The following KIF6 variants were observed in gnomAD, a reference collection of about 807,000 sequenced individuals.
The protein encoded by KIF6 is kinesin-like protein KIF6.
A neutral mutation model predicts 112.7 loss-of-function variants in KIF6; 106 were observed. The ratio of observed to expected loss-of-function variants is 0.94; its 90% confidence interval spans 0.80 to 1.11. The LOEUF (loss-of-function observed/expected upper bound fraction) is 1.11. Ranked by LOEUF, KIF6 falls within the 50% of genes least tolerant of loss-of-function variation. The pLI is 0.00. For missense variants in KIF6, 929 were observed against 964.0 expected (o/e 0.96, Z 0.48); for synonymous variants, 339 against 339.9 (o/e 1.00, Z 0.03).
At chr6:39,361,641 T>C (rs982738709) in intron 17 of KIF6, among the ~76,000 whole-genome samples, 9 of 151,012 alleles carry the variant, frequency 6.0e-5, no homozygotes, top group African/African-American at 1.7e-4. Flanking sequence ...GGTGGACGAC[T>C]GGCGAGGGCC....
At chr6:39,722,556 ATC>A (rs1790278911) in intron 1 of KIF6, among the ~76,000 whole-genome samples, 1 of 152,222 alleles carries the variant, frequency 6.6e-6, no homozygotes, top group African/African-American at 2.4e-5. Flanking sequence ...CTTTTTATTA[ATC>A]TGTTATTACA....
chr6:39,670,049 T>C (rs2150828911), intron 3 of KIF6, among the ~76,000 whole-genome samples: 1 of 152,226 alleles, frequency 6.6e-6, no homozygotes, highest in African/African-American at 2.4e-5. Flanking sequence ...AGTGAGAAGG[T>C]CCTTACACCC....
At chr6:39,451,167 A>C (rs1011955135) in intron 13 of KIF6, among the ~76,000 whole-genome samples, 5 of 152,188 alleles carry the variant, frequency 3.3e-5, no homozygotes, top group African/African-American at 1.2e-4. Context: ...GTCAGTTACT[A>C]TTCTTGGAGC....
Position 39,346,249 on chromosome 6 carries a change from C to T in KIF6, c.2231+227G>A, listed in dbSNP as rs192634423. The T allele has an allele frequency of 2.3e-4, 154 of 656,184 alleles. 3 individuals are homozygous for T. Among genetic ancestry groups the T allele is most frequent in the Admixed American group, 1.5e-3 (73 of 47,818 alleles). 40.6% of individuals were successfully genotyped at this position (656,184 alleles called of 1,614,324 possible). On this transcript the variant is annotated intron_variant, in intron 20 of 22. Transcript: ENST00000287152. ...AGCAGGAACTAAATCTGCTGTGCTA[C>T]GGACTGGAGGTTTGTGTCCCTGAAA...
intron 13 of KIF6, among the ~76,000 whole-genome samples, chr6:39,493,662 C>A (rs752300431): frequency 1.1e-4 from 16 of 152,232 alleles, no homozygotes; most frequent in Non-Finnish European, 2.2e-4. Flanking sequence ...TTGTGTAACA[C>A]CTTGCCACAG....
In KIF6 at chr6:39,685,512, A is replaced by C. The variant is rs561194761; in HGVS notation, c.251+29180T>G. Among the ~76,000 whole-genome samples, 3 of 152,350 alleles carry C rather than the reference A, an allele frequency of 2.0e-5. No individual in the cohort carries two copies. In the South Asian group the frequency reaches 6.2e-4, roughly 32 times the overall value. On this transcript the variant is annotated intron_variant, in intron 3 of 22. Coordinates refer to ENST00000287152, the MANE Select transcript of KIF6 (RefSeq NM_145027.6). Reference sequence around the variant, plus strand: ...TGGGAAACAGTCATCTCTGACAGTGAGAAGGTGAACATACCAGAGAAGCGT... The same window carrying C: ...TGGGAAACAGTCATCTCTGACAGTGCGAAGGTGAACATACCAGAGAAGCGT...
chr6:39,410,644 A>T (rs752499293), intron 15 of KIF6, among the ~76,000 whole-genome samples: 2 of 152,232 alleles, frequency 1.3e-5, no homozygotes, highest in Non-Finnish European at 2.9e-5. Context: ...GAAAAATAAT[A>T]ATGTACTATA....
intron 13 of KIF6, among the ~76,000 whole-genome samples, chr6:39,442,301 T>C (rs1581865903): frequency 6.6e-6 from 1 of 152,166 alleles, no homozygotes; most frequent in Non-Finnish European, 1.5e-5. Flanking sequence ...TCTGAAAAAA[T>C]GGCAGCTGCT....
intron 15 of KIF6, among the ~76,000 whole-genome samples, chr6:39,390,268 G>A (rs776927682): frequency 2.0e-5 from 3 of 152,098 alleles, no homozygotes; most frequent in African/African-American, 4.8e-5. Context: ...TGCCACACTC[G>A]TTTTAGGTAT....
chr6:39,379,685 T>TA (rs926878877), intron 16 of KIF6, among the ~76,000 whole-genome samples: 3 of 152,060 alleles, frequency 2.0e-5, no homozygotes, highest in Non-Finnish European at 4.4e-5. Context: ...ATCTGATACT[T>TA]AAAAAAAGGA....
chr6:39,400,201 C>T (rs1429066237), intron 15 of KIF6, among the ~76,000 whole-genome samples: 3 of 152,156 alleles, frequency 2.0e-5, no homozygotes, highest in Admixed American at 6.5e-5. Flanking sequence ...ATGTGGGACT[C>T]ATTGTGAGAA....
rs544353834 is a variant in KIF6, at chr6:39,590,101, T to C, written c.847-3697A>G. Among the ~76,000 whole-genome samples, 154 of 151,438 alleles carry C rather than the reference T, an allele frequency of 1.0e-3. 2 individuals are homozygous for C. In the East Asian group the frequency reaches 0.02, roughly 20 times the overall value. On this transcript the variant is annotated intron_variant, in intron 7 of 22. Coordinates refer to ENST00000287152, the MANE Select transcript of KIF6 (RefSeq NM_145027.6). The stretch of plus-strand genomic sequence containing the variant: ...AGGTGGGGAATATGGCAGACCCAAG[T>C]CAGAGTGGCAAGAGATGCCAAGCAG...
At chr6:39,653,815 CG>C (rs1254528262) in intron 3 of KIF6, among the ~76,000 whole-genome samples, 3 of 152,022 alleles carry the variant, frequency 2.0e-5, no homozygotes, top group Non-Finnish European at 4.4e-5. Flanking sequence ...TGTAGGATGC[CG>C]GTGGGGGGTA....
intron 13 of KIF6, among the ~76,000 whole-genome samples, chr6:39,532,561 G>C (rs1292899312): frequency 6.6e-6 from 1 of 152,138 alleles, no homozygotes; most frequent in Non-Finnish European, 1.5e-5. Flanking sequence ...CAGCAAGTTT[G>C]GTTTCCTGGG....
chr6:39,478,823 T>C (rs1581942633), intron 13 of KIF6, among the ~76,000 whole-genome samples: 1 of 152,036 alleles, frequency 6.6e-6, no homozygotes, highest in African/African-American at 2.4e-5. Context: ...TATTGCATTG[T>C]GGTTTGATCT....
At chr6:39,628,725 T>C (rs1784214655) in intron 5 of KIF6, among the ~76,000 whole-genome samples, 1 of 152,148 alleles carries the variant, frequency 6.6e-6, no homozygotes, top group African/African-American at 2.4e-5. Context: ...CTTTGTATTG[T>C]AAATTCTGTG....
intron 13 of KIF6, among the ~76,000 whole-genome samples, chr6:39,455,309 C>G (rs1772998046): frequency 6.6e-6 from 1 of 151,620 alleles, no homozygotes; most frequent in Non-Finnish European, 1.5e-5. Context: ...AGCTGAGGGT[C>G]CTGTCTGTTA....
At chr6:39,433,124 A>C (rs1771278921) in intron 13 of KIF6, among the ~76,000 whole-genome samples, 1 of 152,264 alleles carries the variant, frequency 6.6e-6, no homozygotes, top group Admixed American at 6.5e-5. Context: ...TCCAGAGCCC[A>C]CGGCACTGTG....
At chr6:39,531,213 A>G (rs1778041850) in intron 13 of KIF6, among the ~76,000 whole-genome samples, 1 of 152,206 alleles carries the variant, frequency 6.6e-6, no homozygotes, top group African/African-American at 2.4e-5. Flanking sequence ...TTTGGACCTT[A>G]CAAAAAATTT....
Sources: gnomAD v4.1 joint callset for allele counts (sites outside exome capture counted in the v4.1 genomes callset) on GRCh38, gnomAD v4.1.1 for gene constraint, MANE v1.5 for transcripts, NCBI Gene and HGNC (gene_info 2026-07-23, HGNC 2026-07-21) for gene names.